DMD: variants seen among roughly 807,000 people sequenced by gnomAD.
DMD encodes the protein mutant dystrophin.
DMD carries 63 observed loss-of-function variants against 330.1 expected under a neutral mutation model. The observed-to-expected ratio is 0.19, with a 90% CI of 0.16 to 0.24. DMD has a LOEUF of 0.24. Ranked by LOEUF, DMD falls within the 10% of genes least tolerant of loss-of-function variation. DMD has a pLI of 1.00. For missense variants in DMD, 3,344 were observed against 2,684.1 expected, an observed-to-expected ratio of 1.25 and a Z score of -5.43; for synonymous variants, 1,223 against 959.8, an observed-to-expected ratio of 1.27 and a Z score of -5.07.
At chrX:32,503,703 G>T (rs191945314) in intron 18 of DMD, among the ~76,000 whole-genome samples, 3 of 110,016 alleles carry the variant, frequency 2.7e-5, no homozygotes, top group Non-Finnish European at 3.8e-5. Context: ...TTACAGGCGT[G>T]CACCACCACG....
intron 2 of DMD, among the ~76,000 whole-genome samples, chrX:33,004,067 C>T (rs894635224): frequency 8.9e-6 from 1 of 111,930 alleles, no homozygotes; most frequent in Non-Finnish European, 1.9e-5. Context: ...AAAATCTAGG[C>T]CAACATTTAT....
chrX:32,335,737 A>C (rs1182486564), intron 41 of DMD, among the ~76,000 whole-genome samples: 2 of 106,782 alleles, frequency 1.9e-5, no homozygotes, highest in African/African-American at 6.8e-5. Context: ...TATACGTAGA[A>C]CATGTGTATA....
intron 6 of DMD, among the ~76,000 whole-genome samples, chrX:32,814,967 G>A (rs959941667): frequency 9.0e-6 from 1 of 111,469 alleles, no homozygotes; most frequent in African/African-American, 3.3e-5. Context: ...GCATAAATGA[G>A]CATTGACTTA....
rs766908074 is a variant in DMD at position 31,483,484 on chromosome X, G to C, written c.8548-4381C>G. 1.8e-4 allele frequency among the ~76,000 whole-genome samples: 20 copies of C among 112,586 alleles called. No individual in the cohort carries two copies. The South Asian group carries it at 2.6e-3, about 14-fold the overall frequency. On this transcript the variant is annotated intron_variant, in intron 57 of 78. Coordinates refer to ENST00000357033, the MANE Select transcript of DMD (RefSeq NM_004006.3). ...AATTCAAAGCTAAGGAGCATCCATTGTGAGAGACCACGTGTTTGCCCATCG... is the reference window on the plus strand; with the variant it reads ...AATTCAAAGCTAAGGAGCATCCATTCTGAGAGACCACGTGTTTGCCCATCG...
chrX:32,366,645 A>G (rs1394073078), intron 34 of DMD, among the ~76,000 whole-genome samples: 1 of 111,816 alleles, frequency 8.9e-6, no homozygotes, highest in East Asian at 2.8e-4. Context: ...GTCACTCTCA[A>G]CATGTCTTTT....
At chrX:31,541,526 C>G (rs189995791) in intron 55 of DMD, among the ~76,000 whole-genome samples, 3 of 89,928 alleles carry the variant, frequency 3.3e-5, no homozygotes, top group Non-Finnish European at 6.5e-5. Flanking sequence ...GTGTGATGTT[C>G]CCCACCCTGT....
At chrX:31,422,016 TAAACACACACAC>T (rs1164553789) in intron 60 of DMD, among the ~76,000 whole-genome samples, 3,951 of 55,046 alleles carry the variant, frequency 0.072, 319 homozygotes, top group African/African-American at 0.24. Flanking sequence ...TATATATATA[TAAACACACACAC>T]ATATATATAT....
At chrX:31,819,057 A>T (rs190663712) in intron 50 of DMD, among the ~76,000 whole-genome samples, 1 of 111,479 alleles carries the variant, frequency 9.0e-6, no homozygotes, top group East Asian at 2.8e-4. Flanking sequence ...AAAACAAAAA[A>T]CAACACCCAA....
At chrX:32,038,924 T>C (rs1207644611) in intron 44 of DMD, among the ~76,000 whole-genome samples, 1 of 111,287 alleles carries the variant, frequency 9.0e-6, no homozygotes, top group Non-Finnish European at 1.9e-5. Context: ...CTTACACAGA[T>C]TATAATCAGA....
chrX:31,261,273 A>C, intron 62 of DMD: 1 of 348,000 alleles, frequency 2.9e-6, no homozygotes. Context: ...TTGCACCCAC[A>C]AATCGATCGC....
intron 55 of DMD, among the ~76,000 whole-genome samples, chrX:31,574,128 CTGTT>C (rs1166202815): frequency 9.8e-6 from 1 of 101,536 alleles, no homozygotes; most frequent in Non-Finnish European, 2.0e-5. Flanking sequence ...AAAGGATGAT[CTGTT>C]TGTTTTTTTT....
intron 30 of DMD, among the ~76,000 whole-genome samples, chrX:32,398,266 C>T (rs149293178): frequency 0.18 from 16,141 of 88,299 alleles, 1,058 homozygotes; most frequent in African/African-American, 0.3. Context: ...TTTTTAAACC[C>T]CCCCCCCCAA....
chrX:31,793,307 G>A (rs1326683216), intron 50 of DMD, among the ~76,000 whole-genome samples: 1 of 110,747 alleles, frequency 9.0e-6, no homozygotes, highest in African/African-American at 3.3e-5. Context: ...TTGGCTTGAG[G>A]GTGGGGTTTT....
intron 16 of DMD, among the ~76,000 whole-genome samples, chrX:32,555,750 A>T (rs1354390721): frequency 2.7e-5 from 3 of 111,875 alleles, no homozygotes; most frequent in African/African-American, 9.7e-5. Flanking sequence ...TTTAATACAT[A>T]GTGCTGGGAT....
chrX:32,671,068 A>T (rs1442572428), intron 9 of DMD, among the ~76,000 whole-genome samples: 1 of 111,088 alleles, frequency 9.0e-6, no homozygotes, highest in African/African-American at 3.3e-5. Context: ...AACACAATTT[A>T]AGAATATATA....
At chrX:31,373,528 C>T (rs34934157) in intron 60 of DMD, among the ~76,000 whole-genome samples, 6,970 of 103,194 alleles carry the variant, frequency 0.068, 760 homozygotes, top group African/African-American at 0.24. Context: ...TATCTACAAC[C>T]ATCTGATCTT....
intron 50 of DMD, among the ~76,000 whole-genome samples, chrX:31,795,842 A>G (rs1010688997): frequency 2.7e-5 from 3 of 112,297 alleles, no homozygotes; most frequent in Non-Finnish European, 3.8e-5. Context: ...TACACAAATA[A>G]TATTATAAAC....
At chrX:32,522,657 T>A (rs1260139566) in intron 17 of DMD, among the ~76,000 whole-genome samples, 3 of 112,330 alleles carry the variant, frequency 2.7e-5, no homozygotes, top group Non-Finnish European at 5.6e-5. Flanking sequence ...TTCATAGACC[T>A]CTTAACTGTA....
Position 33,163,419 on chromosome X carries a change from C to A in DMD, c.31+47863G>T, listed in dbSNP as rs753650290. On this transcript the variant is annotated intron_variant, in intron 1 of 78. Transcript: ENST00000357033. ...GGCATGGTGGCACACGACTGTAGTC[C>A]CAGGTACCTGGGAGGCTGAAGCAGG... 9.2e-5 allele frequency among the ~76,000 whole-genome samples: 10 copies of A among 108,616 alleles called. No individual in the cohort carries two copies. The East Asian group carries it at 2.9e-3, about 32-fold the overall frequency. 94.3% of individuals were successfully genotyped at this position (108,616 alleles called of 115,157 possible).
Sources: allele counts gnomAD v4.1 joint callset (sites outside exome capture counted in the v4.1 genomes callset), GRCh38; gene constraint gnomAD v4.1.1; transcripts MANE v1.5; gene names NCBI Gene and HGNC (gene_info 2026-07-23, HGNC 2026-07-21).